Variants in KCNMA1 observed in about 807,000 individuals in gnomAD.
KCNMA1 encodes Calcium-activated potassium channel subunit alpha-1.
A neutral mutation model predicts 140.0 loss-of-function variants in KCNMA1; 29 were observed. That is an observed-to-expected ratio of 0.21 (90% CI 0.15 to 0.28). The LOEUF (loss-of-function observed/expected upper bound fraction) is 0.28, where lower values mean the gene tolerates loss of function less well. Ranked by LOEUF, KCNMA1 falls within the 10% of genes least tolerant of loss-of-function variation. KCNMA1 has a pLI of 1.00. For missense variants in KCNMA1, 880 were observed against 1,602.2 expected (o/e 0.55, Z 7.70); for synonymous variants, 612 against 611.9 (o/e 1.00, Z 0.00).
chr10:77,508,787 C>A (rs1477963074), intron 1 of KCNMA1, among the ~76,000 whole-genome samples: 1 of 151,998 alleles, frequency 6.6e-6, no homozygotes, highest in Non-Finnish European at 1.5e-5. Context: ...AACCCTGTAA[C>A]CAAAAACATC....
intron 2 of KCNMA1, among the ~76,000 whole-genome samples, chr10:77,324,975 G>C (rs146836372): frequency 0.25 from 20,861 of 84,612 alleles, 1,799 homozygotes; most frequent in Non-Finnish European, 0.34. Flanking sequence ...CTCTCTCTGT[G>C]TGTGTGTGTG....
At chr10:77,134,278 T>G (rs2097926931) in intron 5 of KCNMA1, among the ~76,000 whole-genome samples, 2 of 151,826 alleles carry the variant, frequency 1.3e-5, no homozygotes, top group South Asian at 2.1e-4. Context: ...AAACACAATA[T>G]CCAATGAAAA....
At chr10:76,918,211 G>C (rs942612833) in intron 23 of KCNMA1, among the ~76,000 whole-genome samples, 1 of 152,200 alleles carries the variant, frequency 6.6e-6, no homozygotes, top group Non-Finnish European at 1.5e-5. Context: ...GTGAAACTGG[G>C]AAACACTCCC....
At chr10:77,382,865 CAA>C (rs767673552) in intron 2 of KCNMA1, among the ~76,000 whole-genome samples, 3,568 of 47,522 alleles carry the variant, frequency 0.075, 161 homozygotes, top group Middle Eastern at 0.19. Context: ...AGCTCCGTCT[CAA>C]AAAAAAAAAA....
intron 14 of KCNMA1, among the ~76,000 whole-genome samples, chr10:77,059,703 T>A (rs2095667427): frequency 6.6e-6 from 1 of 152,082 alleles, no homozygotes; most frequent in Non-Finnish European, 1.5e-5. Context: ...GGGAAGGAAC[T>A]CCCTCAACCT....
chr10:77,239,590 C>T (rs188183616), intron 3 of KCNMA1, among the ~76,000 whole-genome samples: 57 of 152,238 alleles, frequency 3.7e-4, no homozygotes, highest in African/African-American at 1.2e-3. Context: ...GTGTCTTCCA[C>T]GGGGAAAAGA....
chr10:76,891,853 T>C (rs2040214141), intron 25 of KCNMA1, 134 bp from the exon 26 acceptor site: 4 of 745,312 alleles, frequency 5.4e-6, no homozygotes, highest in Non-Finnish European at 9.4e-6. Context: ...AATAATTTCA[T>C]GTGGGGAGTG....
chr10:77,179,503 A>G (rs1029366166), intron 5 of KCNMA1, among the ~76,000 whole-genome samples: 1 of 152,090 alleles, frequency 6.6e-6, no homozygotes, highest in African/African-American at 2.4e-5. Context: ...GGAGTCTTAA[A>G]TAAGATCTCT....
chr10:77,219,681 G>A (rs369882246), intron 3 of KCNMA1, among the ~76,000 whole-genome samples: 7 of 152,124 alleles, frequency 4.6e-5, no homozygotes, highest in South Asian at 2.1e-4. Context: ...GTGCAGTGGC[G>A]CGATCTTGGC....
At chr10:77,310,046 G>A (rs191253794) in intron 2 of KCNMA1, among the ~76,000 whole-genome samples, 112 of 152,286 alleles carry the variant, frequency 7.4e-4, no homozygotes, top group Admixed American at 1.8e-3. Context: ...ATTTGAGTTG[G>A]ATTTTCATGG....
At chr10:77,406,392 A>G (rs991060842) in intron 1 of KCNMA1, among the ~76,000 whole-genome samples, 41 of 152,102 alleles carry the variant, frequency 2.7e-4, no homozygotes, top group African/African-American at 9.4e-4. Context: ...AGCACAAAAC[A>G]CAGGTTCAAG....
intron 1 of KCNMA1, among the ~76,000 whole-genome samples, chr10:77,414,163 A>G (rs1177637300): frequency 6.6e-6 from 1 of 152,174 alleles, no homozygotes; most frequent in African/African-American, 2.4e-5. Context: ...ACACTCCCCA[A>G]GGTCTGTCCA....
intron 5 of KCNMA1, among the ~76,000 whole-genome samples, chr10:77,181,265 G>A (rs1238970286): frequency 6.6e-6 from 1 of 152,158 alleles, no homozygotes. Context: ...AGTGCACAGG[G>A]TAATTAAGCA....
intron 1 of KCNMA1, among the ~76,000 whole-genome samples, chr10:77,545,379 A>C (rs1271545390): frequency 6.6e-6 from 1 of 152,182 alleles, no homozygotes; most frequent in African/African-American, 2.4e-5. Flanking sequence ...GAGTGGAGGG[A>C]AAATAGGATA....
At chr10:76,897,912 C>A (rs2043287380) in intron 25 of KCNMA1, among the ~76,000 whole-genome samples, 1 of 151,720 alleles carries the variant, frequency 6.6e-6, no homozygotes, top group Non-Finnish European at 1.5e-5. Flanking sequence ...TTTTTCTAGA[C>A]AATAATACTT....
chr10:77,331,913 C>T (rs1454407420), intron 2 of KCNMA1, among the ~76,000 whole-genome samples: 1 of 152,142 alleles, frequency 6.6e-6, no homozygotes. Flanking sequence ...TGGGGATTAT[C>T]TGCTTGTTTG....
At chr10:77,524,167 T>C (rs767832175) in intron 1 of KCNMA1, among the ~76,000 whole-genome samples, 1 of 152,226 alleles carries the variant, frequency 6.6e-6, no homozygotes, top group Non-Finnish European at 1.5e-5. Flanking sequence ...TTATCCTCGA[T>C]GTCCAAGTGA....
At chr10:77,209,563 C>T (rs893335405) in intron 3 of KCNMA1, among the ~76,000 whole-genome samples, 2 of 152,106 alleles carry the variant, frequency 1.3e-5, no homozygotes, top group Admixed American at 1.3e-4. Flanking sequence ...GGACTCTGTT[C>T]TCCACATTAA....
chr10:77,340,392 G>A (rs977040687), intron 2 of KCNMA1, among the ~76,000 whole-genome samples: 1 of 152,142 alleles, frequency 6.6e-6, no homozygotes, highest in Non-Finnish European at 1.5e-5. Context: ...AAATTATGCT[G>A]CTATTAAGAC....
Sources: gnomAD v4.1 joint callset for allele counts (sites outside exome capture counted in the v4.1 genomes callset) on GRCh38, gnomAD v4.1.1 for gene constraint, MANE v1.5 for transcripts, NCBI Gene and HGNC (gene_info 2026-07-23, HGNC 2026-07-21) for gene names.